The following UBE2V2 variants were observed in gnomAD, a reference collection of about 807,000 sequenced individuals.
UBE2V2 encodes the protein ubiquitin conjugating enzyme E2 V2, also known as ubiquitin-conjugating enzyme E2 variant 2.
A neutral mutation model predicts 17.2 loss-of-function variants in UBE2V2; 9 were observed. The observed-to-expected ratio is 0.52, with a 90% CI of 0.32 to 0.91. The LOEUF is 0.91. Among genes scored for constraint, UBE2V2 ranks in the 40% least tolerant of loss-of-function variants. UBE2V2 has a pLI of 0.04. For synonymous variants in UBE2V2, 61 were observed against 57.5 expected, an observed-to-expected ratio of 1.06 and a Z score of -0.28; for missense variants, 133 against 182.6, an observed-to-expected ratio of 0.73 and a Z score of 1.56.
intron 1 of UBE2V2, among the ~76,000 whole-genome samples, chr8:48,009,326 T>C (rs1203492713): frequency 6.6e-6 from 1 of 150,954 alleles, no homozygotes; most frequent in East Asian, 1.9e-4. Flanking sequence ...AATGCAGTGG[T>C]GTGATCTCGG....
chr8:48,020,726 C>G (rs923329141), intron 1 of UBE2V2, among the ~76,000 whole-genome samples: 1 of 152,042 alleles, frequency 6.6e-6, no homozygotes, highest in Non-Finnish European at 1.5e-5. Context: ...TTGCCTCAGC[C>G]TTTGGAGTAG....
intron 1 of UBE2V2, among the ~76,000 whole-genome samples, chr8:48,015,238 T>A (rs28751111): frequency 0.029 from 4,402 of 151,288 alleles, 209 homozygotes; most frequent in African/African-American, 0.098. Context: ...ATTAGCTGGG[T>A]GTGGTGATGT....
chr8:48,009,516 T>G (rs1050138173), intron 1 of UBE2V2, among the ~76,000 whole-genome samples: 2 of 152,164 alleles, frequency 1.3e-5, no homozygotes, highest in African/African-American at 4.8e-5. Flanking sequence ...TCCGCCCACT[T>G]CGGCCTCCCA....
chr8:48,030,047 A>G (rs1175383907), intron 1 of UBE2V2, among the ~76,000 whole-genome samples: 2 of 152,226 alleles, frequency 1.3e-5, no homozygotes, highest in Non-Finnish European at 2.9e-5. Flanking sequence ...GTCTCCCTTG[A>G]TAGTTCTGCA....
At chr8:48,014,195 AC>A (rs2091252127) in intron 1 of UBE2V2, among the ~76,000 whole-genome samples, 1 of 152,148 alleles carries the variant, frequency 6.6e-6, no homozygotes, top group Admixed American at 6.5e-5. Context: ...ATATGGTACA[AC>A]CTCACTGTAC....
intron 1 of UBE2V2, among the ~76,000 whole-genome samples, chr8:48,037,831 G>T (rs1288686618): frequency 1.3e-5 from 2 of 152,200 alleles, no homozygotes; most frequent in East Asian, 3.8e-4. Flanking sequence ...TGATCATCCT[G>T]TTTCTTGGTC....
chr8:48,046,339 C>T (rs1354477598), intron 2 of UBE2V2, among the ~76,000 whole-genome samples: 3 of 152,072 alleles, frequency 2.0e-5, no homozygotes, highest in South Asian at 4.1e-4. Context: ...GGGATGGTCT[C>T]GATCTCCTGA....
At chr8:48,023,791 A>G (rs1320588235) in intron 1 of UBE2V2, among the ~76,000 whole-genome samples, 32 of 152,082 alleles carry the variant, frequency 2.1e-4, no homozygotes, top group African/African-American at 7.2e-4. Context: ...TGGGAGAATC[A>G]CTTGAACCCA....
chr8:48,004,855 G>A (rs555260251), upstream of UBE2V2, among the ~76,000 whole-genome samples: 308 of 151,462 alleles, frequency 2.0e-3, 1 homozygote, highest in Admixed American at 4.5e-3. Flanking sequence ...TTAAGACAGT[G>A]TCTCATTCTG....
intron 1 of UBE2V2, among the ~76,000 whole-genome samples, chr8:48,021,836 CGCCACCATGTCTG>C (rs879429556): frequency 2.8e-4 from 43 of 151,654 alleles, no homozygotes; most frequent in Non-Finnish European, 5.3e-4. Context: ...TACAGGTATG[CGCCACCATGTCTG>C]GCTAATTTTT....
chr8:48,048,658 T>G (rs2091516110), intron 2 of UBE2V2, among the ~76,000 whole-genome samples: 1 of 152,158 alleles, frequency 6.6e-6, no homozygotes. Flanking sequence ...TATTGAAATA[T>G]TTAATAACAT....
chr8:48,031,507 A>G (rs886709227), intron 1 of UBE2V2, among the ~76,000 whole-genome samples: 2 of 152,118 alleles, frequency 1.3e-5, no homozygotes, highest in African/African-American at 4.8e-5. Context: ...CCTAAAGAGT[A>G]ACAGTAGTAT....
rs950778657 is a variant in UBE2V2 at position 48,062,800 on chromosome 8, T to C, written c.*1972T>C. ...TTCAACATGGCTGTTGCATTTTAATTATCAAAAATGTTTAAAATGCTTTAA... is the reference window on the plus strand; with the variant it reads ...TTCAACATGGCTGTTGCATTTTAATCATCAAAAATGTTTAAAATGCTTTAA... On this transcript the variant is annotated 3_prime_UTR_variant, in exon 4 of 4. Coordinates refer to ENST00000523111, the MANE Select transcript of UBE2V2 (RefSeq NM_003350.3). 2.0e-5 allele frequency: 3 copies of C among 152,314 alleles called. No homozygotes were observed. Among genetic ancestry groups the C allele is most frequent in the Non-Finnish European group, 2.9e-5 (2 of 68,034 alleles). The allele number at this position is 152,314 out of a possible 1,614,324, so 9.4% of individuals were successfully genotyped here.
chr8:48,047,682 C>T (rs1466651994), intron 2 of UBE2V2, among the ~76,000 whole-genome samples: 10 of 151,858 alleles, frequency 6.6e-5, no homozygotes, highest in African/African-American at 1.7e-4. Context: ...CTCAGCCTCC[C>T]GACTAGCTGG....
At chr8:48,018,070 C>T (rs1311280258) in intron 1 of UBE2V2, among the ~76,000 whole-genome samples, 2 of 152,048 alleles carry the variant, frequency 1.3e-5, no homozygotes, top group African/African-American at 2.4e-5. Flanking sequence ...CTCCTGACCT[C>T]AGGTGATCCA....
At chr8:48,025,439 A>T (rs10808894) in intron 1 of UBE2V2, among the ~76,000 whole-genome samples, 135,949 of 146,424 alleles carry the variant, frequency 0.93, 63,129 homozygotes, top group South Asian at 0.97. Context: ...GATTATTATT[A>T]TTTTTTTTTT....
At chr8:48,010,905 T>G (rs2091225743) in intron 1 of UBE2V2, among the ~76,000 whole-genome samples, 1 of 149,232 alleles carries the variant, frequency 6.7e-6, no homozygotes, top group Non-Finnish European at 1.5e-5. Flanking sequence ...TTTTTTTTTT[T>G]TTTTTAGTAG....
Position 48,008,479 on chromosome 8 carries a change from C to A in UBE2V2, c.16+9C>A. 1.9e-6 allele frequency: 3 copies of A among 1,567,098 alleles called. No homozygotes were observed. The South Asian group carries it at 3.4e-5, about 18-fold the overall frequency. The stretch of plus-strand genomic sequence containing the variant: ...GATGGCGGTCTCCACAGGTCGGTTC[C>A]CGGGCCGGGCTGCGTGATTTTCCGC... On this transcript the variant is annotated intron_variant, in intron 1 of 3. Transcript: ENST00000523111.
chr8:48,041,301 G>A (rs192514586), intron 1 of UBE2V2, among the ~76,000 whole-genome samples: 1 of 151,822 alleles, frequency 6.6e-6, no homozygotes, highest in East Asian at 1.9e-4. Context: ...GGCCAACACG[G>A]TGAAACTCCA....
Sources: gnomAD v4.1 joint callset for allele counts (sites outside exome capture counted in the v4.1 genomes callset) on GRCh38, gnomAD v4.1.1 for gene constraint, MANE v1.5 for transcripts, NCBI Gene and HGNC (gene_info 2026-07-23, HGNC 2026-07-21) for gene names.